The following CNOT10 variants were observed in gnomAD, a reference collection of about 807,000 sequenced individuals.
The protein encoded by CNOT10 is CCR4-NOT transcription complex subunit 10.
In CNOT10, 30 loss-of-function variants were observed where a neutral mutation model predicts 94.6. The observed-to-expected ratio is 0.32, with a 90% confidence interval of 0.24 to 0.43. CNOT10 has a LOEUF of 0.43. Among genes scored for constraint, CNOT10 ranks in the 20% least tolerant of loss-of-function variants. CNOT10 has a pLI of 1.00. For synonymous variants in CNOT10, 289 were observed against 301.6 expected (o/e 0.96, Z 0.43); for missense variants, 759 against 877.2 (o/e 0.87, Z 1.70).
intron 13 of CNOT10, among the ~76,000 whole-genome samples, chr3:32,746,059 T>G (rs1209550070): frequency 2.6e-5 from 4 of 152,232 alleles, no homozygotes; most frequent in Non-Finnish European, 5.9e-5. Flanking sequence ...CTGTTTTTTC[T>G]TTTCCTTCGC....
chr3:32,687,871 A>G (rs1696698633), intron 1 of CNOT10: 1 of 152,240 alleles, frequency 6.6e-6, no homozygotes, highest in Non-Finnish European at 1.5e-5. Context: ...GTGTTTTTTG[A>G]GCTTTTGAGC....
intron 14 of CNOT10, among the ~76,000 whole-genome samples, chr3:32,761,502 C>T (rs1410316347): frequency 1.3e-5 from 2 of 152,134 alleles, no homozygotes; most frequent in Non-Finnish European, 2.9e-5. Context: ...AGGCGATTCT[C>T]CTGCCTCAGC....
intron 1 of CNOT10, among the ~76,000 whole-genome samples, chr3:32,689,118 C>T (rs539421124): frequency 1.3e-5 from 2 of 151,878 alleles, no homozygotes; most frequent in East Asian, 1.9e-4. Flanking sequence ...TTTGGGAGGC[C>T]GAGGTGAGTG....
intron 1 of CNOT10, among the ~76,000 whole-genome samples, chr3:32,693,998 A>G (rs1248589646): frequency 2.0e-5 from 3 of 152,168 alleles, no homozygotes; most frequent in Admixed American, 2.0e-4. Flanking sequence ...TTAGGTATGT[A>G]AGTTATTCTC....
intron 14 of CNOT10, 107 bp downstream of exon 14, chr3:32,759,678 T>C: frequency 1.3e-6 from 1 of 781,090 alleles, no homozygotes; most frequent in East Asian, 2.5e-5. Context: ...AATATATATT[T>C]GTAAGGAAAG....
At chr3:32,703,711 T>C (rs1697479107) in intron 1 of CNOT10, 157 bp from the exon 2 acceptor site, 2 of 579,066 alleles carry the variant, frequency 3.5e-6, no homozygotes, top group Non-Finnish European at 6.2e-6. Flanking sequence ...AGAACATTGC[T>C]GTTTAAAACT....
chr3:32,701,697 C>T (rs1427822580), intron 1 of CNOT10, among the ~76,000 whole-genome samples: 2 of 152,196 alleles, frequency 1.3e-5, no homozygotes, highest in Non-Finnish European at 2.9e-5. Flanking sequence ...TTGTAAGTTT[C>T]CTGAGAACTC....
rs1275698914 is a variant in CNOT10, at chr3:32,759,545, G to A, written c.1683G>A (p.Gln561=). The change falls in exon 14 of 19, where the codon CAG becomes CAA. Residue 561 remains glutamine (Q), a synonymous_variant. Coordinates refer to ENST00000328834, the MANE Select transcript of CNOT10 (RefSeq NM_015442.3). ...MALNHADKLL[Q]QPKLSGSLKF... ...TGAATCATGCAGATAAACTTCTTCA[G>A]CAGCCCAAGCTGTCAGGATCTCTTA... 3 of 1,613,858 alleles carry A rather than the reference G, an allele frequency of 1.9e-6. No homozygotes were observed. The highest frequency in any genetic ancestry group is 2.5e-6 in the Non-Finnish European group (3 of 1,179,858).
rs6808079 is a variant in CNOT10 at position 32,688,400 on chromosome 3, A to G, written c.22+2918A>G. Reference sequence around the variant, plus strand: ...GATCACCTGAGGTCAGGAGTTCAAAACCAGCCTGACCAACATGGTGAAACC... The same window carrying G: ...GATCACCTGAGGTCAGGAGTTCAAAGCCAGCCTGACCAACATGGTGAAACC... On this transcript the variant is annotated intron_variant, in intron 1 of 18. Transcript: ENST00000328834. Among the ~76,000 whole-genome samples, 448 of 151,976 alleles carry G rather than the reference A, an allele frequency of 2.9e-3. 4 individuals are homozygous for G. The highest frequency in any genetic ancestry group is 0.01 in the African/African-American group (430 of 41,458).
chr3:32,703,874 G>A lies in CNOT10; in HGVS notation c.29G>A (p.Gly10Glu), dbSNP rs563487079. 1.5e-5 allele frequency: 24 copies of A among 1,612,006 alleles called. No individual in the cohort carries two copies. The Admixed American group carries it at 3.2e-4, about 21-fold the overall frequency. The change falls in exon 2 of 19, where the codon GGA becomes GAA. Residue 10 changes from glycine (G) to glutamate (E), a missense_variant. Around this residue, in one of 3 missense-constraint regions of CNOT10, gnomAD observed 682 missense variants for 799.4 expected, o/e 0.85. Transcript: ENST00000328834. ...AAAATTTGTGTGTTTGCAGATCAGG[G>A]AGCAGAGAAACATGAAGGCACAGGT... MAADKPADQ[G>E]AEKHEGTGQS...
At chr3:32,726,067 C>T (rs1698653207) in intron 9 of CNOT10, among the ~76,000 whole-genome samples, 1 of 152,090 alleles carries the variant, frequency 6.6e-6, no homozygotes, top group South Asian at 2.1e-4. Flanking sequence ...ACTTCAGCCT[C>T]CTGAGTAGCT....
chr3:32,734,885 G>GAAC lies in CNOT10; in HGVS notation c.1425_1427dup (p.Gln477dup). On this transcript the variant is annotated inframe_insertion, in exon 12 of 19. Transcript: ENST00000328834. ...AAATGCCTTGTTGCTGCTACCTGAA[G>GAAC]AACAGCAAGATCCAAAGCAGGAAAA... 6.2e-7 allele frequency: 1 copy of GAAC among 1,613,950 alleles called. No homozygotes were observed. Among genetic ancestry groups the GAAC allele is most frequent in the Non-Finnish European group, 8.5e-7 (1 of 1,179,878 alleles).
At chr3:32,711,745 T>C (rs1407481365) in intron 4 of CNOT10, among the ~76,000 whole-genome samples, 1 of 152,146 alleles carries the variant, frequency 6.6e-6, no homozygotes, top group Non-Finnish European at 1.5e-5. Flanking sequence ...GAGGCTGTGT[T>C]TGGTGAGAGC....
chr3:32,770,954 C>G (rs1700876257), intron 18 of CNOT10, among the ~76,000 whole-genome samples: 1 of 152,100 alleles, frequency 6.6e-6, no homozygotes, highest in Non-Finnish European at 1.5e-5. Flanking sequence ...CTCAGGTGAT[C>G]TGCCTGCCTC....
At chr3:32,730,007 A>G (rs867092336) in intron 10 of CNOT10, among the ~76,000 whole-genome samples, 3 of 151,752 alleles carry the variant, frequency 2.0e-5, no homozygotes, top group Non-Finnish European at 2.9e-5. Flanking sequence ...TGACCTCGTG[A>G]TCCGCCCGCC....
intron 10 of CNOT10, among the ~76,000 whole-genome samples, chr3:32,728,910 C>G (rs561722259): frequency 1.3e-5 from 2 of 152,224 alleles, no homozygotes; most frequent in East Asian, 3.9e-4. Context: ...ACCATCCTGG[C>G]TAACACAGTG....
chr3:32,739,441 A>G (rs1049280933), intron 13 of CNOT10, among the ~76,000 whole-genome samples: 1 of 152,088 alleles, frequency 6.6e-6, no homozygotes, highest in Non-Finnish European at 1.5e-5. Context: ...GTCCTTTTCT[A>G]CACAGTTCCC....
intron 13 of CNOT10, chr3:32,753,342 A>C: frequency 8.3e-7 from 1 of 1,209,258 alleles, no homozygotes; most frequent in Non-Finnish European, 1.2e-6. Flanking sequence ...GACTGGTATC[A>C]AACAGAATCG....
intron 4 of CNOT10, among the ~76,000 whole-genome samples, chr3:32,712,159 G>GT (rs1363336497): frequency 1.6e-4 from 18 of 115,402 alleles, no homozygotes; most frequent in Middle Eastern, 4.3e-3. Context: ...TCAGGTGTTT[G>GT]TTTGTTTTTT....
Sources: allele counts gnomAD v4.1 joint callset (sites outside exome capture counted in the v4.1 genomes callset), GRCh38; gene constraint gnomAD v4.1.1; regional missense constraint gnomAD v4.1.1; transcripts MANE v1.5; gene names NCBI Gene and HGNC (gene_info 2026-07-23, HGNC 2026-07-21).